The following CA10 variants were observed in gnomAD, a reference collection of about 807,000 sequenced individuals.
CA10 encodes carbonic anhydrase-related protein 10.
A neutral mutation model predicts 44.2 loss-of-function variants in CA10; 14 were observed. The observed-to-expected ratio is 0.32, with a 90% CI of 0.21 to 0.50. The LOEUF (loss-of-function observed/expected upper bound fraction) is 0.50. CA10 is among the 20% of genes least tolerant of loss of function. The pLI is 0.99. For missense variants in CA10, 350 were observed against 409.7 expected (o/e 0.85, Z 1.26); for synonymous variants, 159 against 141.6 (o/e 1.12, Z -0.87).
At chr17:52,089,318 G>A (rs1988201047) in intron 1 of CA10, among the ~76,000 whole-genome samples, 1 of 152,204 alleles carries the variant, frequency 6.6e-6, no homozygotes, top group Non-Finnish European at 1.5e-5. Flanking sequence ...TGTCACCACA[G>A]GGACCAAGGG....
chr17:51,930,618 T>C (rs1982617330), intron 3 of CA10, among the ~76,000 whole-genome samples: 1 of 152,134 alleles, frequency 6.6e-6, no homozygotes, highest in South Asian at 2.1e-4. Flanking sequence ...TTTTTGTTAA[T>C]TGGTTTTCTC....
chr17:51,970,403 T>C (rs1984238601), intron 2 of CA10, among the ~76,000 whole-genome samples: 1 of 152,000 alleles, frequency 6.6e-6, no homozygotes, highest in Admixed American at 6.6e-5. Flanking sequence ...TTGTTCCTCT[T>C]ACACATGAGG....
chr17:51,683,866 T>C (rs905489863), intron 4 of CA10, among the ~76,000 whole-genome samples: 2 of 152,086 alleles, frequency 1.3e-5, no homozygotes, highest in Admixed American at 6.6e-5. Flanking sequence ...GGAAGGATAA[T>C]TGGGGGTTGC....
intron 2 of CA10, among the ~76,000 whole-genome samples, chr17:51,939,878 T>C (rs1231571238): frequency 6.6e-6 from 1 of 152,102 alleles, no homozygotes; most frequent in Non-Finnish European, 1.5e-5. Context: ...TTTTGCTATA[T>C]AAGGATTTTA....
At chr17:51,642,544 T>C (rs1251637985) in intron 6 of CA10, among the ~76,000 whole-genome samples, 1 of 152,198 alleles carries the variant, frequency 6.6e-6, no homozygotes, top group Admixed American at 6.5e-5. Flanking sequence ...GTGCCACGTG[T>C]CAAAGCGCTG....
In CA10 at chr17:52,072,346, C is replaced by T; in HGVS notation, c.109G>A (p.Glu37Lys). ...GGAACAAAGCTTCCCTGGACCACCT[C>T]CTTGTATGCCCACCAGCCTTCATGG... ...KIHEGWWAYK[E>K]VVQGSFVPVP... The change falls in exon 2 of 9, where the codon GAG becomes AAG. Residue 37 changes from glutamate (E) to lysine (K), a missense_variant. By Grantham distance (56) the Glu-to-Lys change is moderately conservative. Coordinates refer to ENST00000451037, the MANE Select transcript of CA10 (RefSeq NM_020178.5). 6.2e-7 allele frequency: 1 copy of T among 1,613,298 alleles called. No individual in the cohort carries two copies. The highest frequency in any genetic ancestry group is 8.5e-7 in the Non-Finnish European group (1 of 1,179,356).
At chr17:51,740,090 A>G (rs1408175591) in intron 4 of CA10, among the ~76,000 whole-genome samples, 1 of 152,012 alleles carries the variant, frequency 6.6e-6, no homozygotes, top group Admixed American at 6.6e-5. Context: ...CATTATGACT[A>G]TACAATTTAA....
intron 3 of CA10, among the ~76,000 whole-genome samples, chr17:51,915,540 C>A (rs577449605): frequency 2.0e-5 from 3 of 152,270 alleles, no homozygotes; most frequent in Admixed American, 6.5e-5. Context: ...CAACACAGAA[C>A]AGTTTGACTA....
intron 3 of CA10, among the ~76,000 whole-genome samples, chr17:51,859,552 C>T (rs1979209214): frequency 6.6e-6 from 1 of 152,072 alleles, no homozygotes; most frequent in Non-Finnish European, 1.5e-5. Flanking sequence ...TTCTCTGTGC[C>T]ACGTTTCACA....
intron 3 of CA10, among the ~76,000 whole-genome samples, chr17:51,759,928 A>G (rs980035747): frequency 6.6e-6 from 1 of 152,252 alleles, no homozygotes; most frequent in African/African-American, 2.4e-5. Context: ...TCTTCAGGCC[A>G]CTGTTTTTCC....
rs116827418 is a variant in CA10, at chr17:51,661,097, C to T, written c.466-7361G>A. Among the ~76,000 whole-genome samples, 798 of 152,260 alleles carry T rather than the reference C, an allele frequency of 5.2e-3. 6 individuals are homozygous for T. Among genetic ancestry groups the T allele is most frequent in the African/African-American group, 0.018 (759 of 41,556 alleles). On this transcript the variant is annotated intron_variant, in intron 4 of 8. Coordinates refer to ENST00000451037, the MANE Select transcript of CA10 (RefSeq NM_020178.5). ...AATACATATCACAGTTTTAGCTTGA[C>T]ATTCGTTGTGTGACTGATGAATGCT...
At chr17:51,675,040 CG>C (rs1443922774) in intron 4 of CA10, among the ~76,000 whole-genome samples, 1 of 152,200 alleles carries the variant, frequency 6.6e-6, no homozygotes, top group Non-Finnish European at 1.5e-5. Context: ...TGTTGCCCCC[CG>C]TTGCCTTAAA....
intron 3 of CA10, among the ~76,000 whole-genome samples, chr17:51,884,816 CTAGCTTA>C (rs1439452373): frequency 1.3e-5 from 2 of 152,170 alleles, no homozygotes. Flanking sequence ...TGCCTCTGTC[CTAGCTTA>C]TGGTAGTCAC....
At chr17:51,681,978 G>A (rs1914863770) in intron 4 of CA10, among the ~76,000 whole-genome samples, 4 of 152,176 alleles carry the variant, frequency 2.6e-5, no homozygotes, top group Admixed American at 2.0e-4. Context: ...GGATTGCTTT[G>A]ATTTTTGTCT....
chr17:52,056,351 T>C (rs971703264), intron 2 of CA10, among the ~76,000 whole-genome samples: 10 of 151,710 alleles, frequency 6.6e-5, no homozygotes, highest in African/African-American at 2.4e-4. Flanking sequence ...CACCATGGCG[T>C]CTATTCATAA....
rs546082924 is a variant in CA10 at position 51,860,280 on chromosome 17, C to T, written c.279+70710G>A. On this transcript the variant is annotated intron_variant, in intron 3 of 8. Transcript: ENST00000451037. ...AATTAGCCCTCCCTATTTAGAACCA[C>T]CCAATTATGTAGAGACTCAAGCACA... 4.7e-4 allele frequency among the ~76,000 whole-genome samples: 72 copies of T among 152,332 alleles called. 1 individual carries two copies. The highest frequency in any genetic ancestry group is 1.7e-3 in the African/African-American group (70 of 41,562).
chr17:51,785,445 T>C (rs764453188), intron 3 of CA10, among the ~76,000 whole-genome samples: 7 of 152,132 alleles, frequency 4.6e-5, no homozygotes, highest in Non-Finnish European at 1.0e-4. Context: ...ATCAGAGAAA[T>C]GCAAATCAAA....
intron 2 of CA10, among the ~76,000 whole-genome samples, chr17:52,048,224 T>C (rs1216185492): frequency 1.3e-5 from 2 of 152,022 alleles, no homozygotes; most frequent in East Asian, 3.9e-4. Context: ...CAGGAAAAGA[T>C]GTAATAAATC....
chr17:51,831,699 GCAGCAGCAGCAGCA>G (rs1908270462), intron 3 of CA10, among the ~76,000 whole-genome samples: 1 of 66,208 alleles, frequency 1.5e-5, no homozygotes, highest in African/African-American at 7.5e-5. Flanking sequence ...AGCAGCAGCA[GCAGCAGCAGCAGCA>G]GCAGCAGCAG....
Sources: gnomAD v4.1 joint callset for allele counts (sites outside exome capture counted in the v4.1 genomes callset) on GRCh38, gnomAD v4.1.1 for gene constraint, MANE v1.5 for transcripts, NCBI Gene and HGNC (gene_info 2026-07-23, HGNC 2026-07-21) for gene names.